SYT9: variants seen among roughly 807,000 people sequenced by gnomAD.
The protein encoded by SYT9 is synaptotagmin-9.
SYT9 carries 22 observed loss-of-function variants against 48.4 expected under a neutral mutation model. The observed-to-expected ratio is 0.45, with a 90% CI of 0.32 to 0.65. The LOEUF (loss-of-function observed/expected upper bound fraction) is 0.65, where lower values mean the gene tolerates loss of function less well. Among genes scored for constraint, SYT9 ranks in the 30% least tolerant of loss-of-function variants. The pLI, the probability that SYT9 is intolerant of heterozygous loss-of-function variation, is 0.03. For synonymous variants in SYT9, 265 were observed against 245.0 expected (o/e 1.08, Z -0.76); for missense variants, 577 against 622.0 (o/e 0.93, Z 0.77).
chr11:7,282,045 G>C (rs965192234), intron 1 of SYT9, among the ~76,000 whole-genome samples: 2 of 152,132 alleles, frequency 1.3e-5, no homozygotes, highest in Non-Finnish European at 2.9e-5. Context: ...GTTGCTAACT[G>C]TTCTTCCTGC....
At chr11:7,364,441 AC>A (rs1340182590) in intron 3 of SYT9, among the ~76,000 whole-genome samples, 1 of 152,226 alleles carries the variant, frequency 6.6e-6, no homozygotes, top group Non-Finnish European at 1.5e-5. Context: ...TCTAATGCCC[AC>A]CAAAAAATCC....
At position 7,313,815 on chromosome 11, in the gene SYT9, T is replaced by C. The variant is rs748447486; in HGVS notation, c.918T>C (p.Ser306=). Residue 306 remains serine, a synonymous_variant, in exon 3 of 7, where the codon TCT becomes TCC. Transcript: ENST00000318881. ...NDLEARKLHF[S]VYDFDRFSRH... Reference sequence around the variant, plus strand: ...TTGAAGCACGGAAGCTTCACTTCTCTGTGTACGACTTTGACAGGTTCTCTC... The same window carrying C: ...TTGAAGCACGGAAGCTTCACTTCTCCGTGTACGACTTTGACAGGTTCTCTC... 1.9e-6 allele frequency: 3 copies of C among 1,614,236 alleles called. No homozygotes were observed. The South Asian group carries it at 3.3e-5, about 18-fold the overall frequency.
chr11:7,374,409 A>G (rs555274781), intron 3 of SYT9, among the ~76,000 whole-genome samples: 1 of 152,300 alleles, frequency 6.6e-6, no homozygotes, highest in South Asian at 2.1e-4. Context: ...TAGTAGAATG[A>G]TTTATAATCC....
At chr11:7,366,830 T>G (rs1047779497) in intron 3 of SYT9, among the ~76,000 whole-genome samples, 12 of 152,054 alleles carry the variant, frequency 7.9e-5, no homozygotes, top group Non-Finnish European at 1.5e-5. Flanking sequence ...GGTTTACTAT[T>G]GTATAGTTCC....
At position 7,313,548 on chromosome 11, in the gene SYT9, C is replaced by A. The variant is rs1301908262; in HGVS notation, c.651C>A (p.Asn217Lys). 1 of 1,614,012 alleles carries A rather than the reference C, an allele frequency of 6.2e-7. No individual in the cohort carries two copies. The highest frequency in any genetic ancestry group is 1.3e-5 in the African/African-American group (1 of 74,910). Reference sequence around the variant, plus strand: ...ATAATGATGACGGGAGACGGAGTAACAGCAAGGCTTGTGGGAAACTGAACT... The same window carrying A: ...ATAATGATGACGGGAGACGGAGTAAAAGCAAGGCTTGTGGGAAACTGAACT... ...SLDNDDGRRS[N>K]SKACGKLNFI... Residue 217 changes from asparagine to lysine, a missense_variant, in exon 3 of 7, where the codon AAC becomes AAA. Physicochemically the swap from Asn to Lys is moderately conservative, Grantham distance 94 (BLOSUM62 0). Transcript: ENST00000318881.
intron 1 of SYT9, among the ~76,000 whole-genome samples, chr11:7,263,654 G>A (rs1848121210): frequency 6.6e-6 from 1 of 152,148 alleles, no homozygotes; most frequent in Non-Finnish European, 1.5e-5. Flanking sequence ...GTGGAAGGAA[G>A]GATCCCCTGA....
At chr11:7,380,634 CAG>C (rs1239923871) in intron 3 of SYT9, among the ~76,000 whole-genome samples, 6 of 151,824 alleles carry the variant, frequency 4.0e-5, no homozygotes, top group Non-Finnish European at 8.8e-5. Flanking sequence ...AAAATAAAAA[CAG>C]AAAATAAAAA....
intron 3 of SYT9, among the ~76,000 whole-genome samples, chr11:7,343,027 G>T (rs921252344): frequency 6.6e-6 from 1 of 152,170 alleles, no homozygotes; most frequent in African/African-American, 2.4e-5. Flanking sequence ...GGGATGTAGG[G>T]CACCAAGTCT....
At chr11:7,382,501 T>C (rs536945784) in intron 3 of SYT9, among the ~76,000 whole-genome samples, 17 of 152,260 alleles carry the variant, frequency 1.1e-4, no homozygotes, top group Admixed American at 9.8e-4. Context: ...GAGGAAAAAT[T>C]AGCTCCATTT....
intron 3 of SYT9, among the ~76,000 whole-genome samples, chr11:7,411,812 T>C (rs11041358): frequency 0.022 from 3,362 of 152,308 alleles, 108 homozygotes; most frequent in African/African-American, 0.073. Flanking sequence ...ATCCTTTCAT[T>C]CTCTCTTTGC....
chr11:7,330,673 G>T (rs1849511815), intron 3 of SYT9, among the ~76,000 whole-genome samples: 1 of 152,138 alleles, frequency 6.6e-6, no homozygotes, highest in Non-Finnish European at 1.5e-5. Flanking sequence ...TATAGGTGTA[G>T]AGGTTGACTT....
At chr11:7,431,878 G>A (rs554352069) in intron 6 of SYT9, among the ~76,000 whole-genome samples, 13 of 152,384 alleles carry the variant, frequency 8.5e-5, no homozygotes, top group East Asian at 3.9e-4. Flanking sequence ...TTCAGAGGGT[G>A]TATGAGAAAG....
At chr11:7,413,529 G>A (rs921539644) in intron 3 of SYT9, among the ~76,000 whole-genome samples, 1 of 152,116 alleles carries the variant, frequency 6.6e-6, no homozygotes, top group African/African-American at 2.4e-5. Flanking sequence ...ACCCTGGGAG[G>A]TCTCTCACTT....
chr11:7,392,970 A>C (rs1439627706), intron 3 of SYT9, among the ~76,000 whole-genome samples: 1 of 152,084 alleles, frequency 6.6e-6, no homozygotes, highest in Non-Finnish European at 1.5e-5. Context: ...ACTTTACTGA[A>C]GTTGTTTATC....
At chr11:7,301,248 C>G (rs1215691887) in intron 1 of SYT9, among the ~76,000 whole-genome samples, 1 of 152,248 alleles carries the variant, frequency 6.6e-6, no homozygotes, top group African/African-American at 2.4e-5. Context: ...AATATTGTTT[C>G]AGTAGAAGGT....
intron 6 of SYT9, among the ~76,000 whole-genome samples, chr11:7,455,334 AT>A (rs34629945): frequency 0.22 from 30,401 of 136,262 alleles, 3,069 homozygotes; most frequent in Middle Eastern, 0.38. Flanking sequence ...TGTTTAAGCT[AT>A]TTTTTTTTTT....
intron 6 of SYT9, among the ~76,000 whole-genome samples, chr11:7,464,864 C>T (rs559497558): frequency 2.6e-5 from 4 of 151,886 alleles, no homozygotes; most frequent in East Asian, 1.9e-4. Flanking sequence ...GGGCGGATCA[C>T]GAGGTCAGGA....
At chr11:7,319,011 G>T (rs1849290055) in intron 3 of SYT9, among the ~76,000 whole-genome samples, 2 of 152,064 alleles carry the variant, frequency 1.3e-5, no homozygotes, top group African/African-American at 4.8e-5. Context: ...TTGGATGCCT[G>T]CTATTTGTTC....
intron 3 of SYT9, among the ~76,000 whole-genome samples, chr11:7,323,413 T>G (rs895610180): frequency 6.6e-6 from 1 of 152,150 alleles, no homozygotes; most frequent in African/African-American, 2.4e-5. Flanking sequence ...AGGACAATTT[T>G]GTTTCTTCTT....
Sources: gnomAD v4.1 joint callset for allele counts (sites outside exome capture counted in the v4.1 genomes callset) on GRCh38, gnomAD v4.1.1 for gene constraint, MANE v1.5 for transcripts, NCBI Gene and HGNC (gene_info 2026-07-23, HGNC 2026-07-21) for gene names.